CHODL: variants seen among roughly 807,000 people sequenced by gnomAD.
CHODL encodes transmembrane protein MT75.
Under a neutral mutation model 34.5 loss-of-function variants are expected in CHODL, and 29 were observed. The ratio of observed to expected loss-of-function variants is 0.84; its 90% confidence interval spans 0.63 to 1.15. The LOEUF is 1.15. CHODL is among the 50% of genes most tolerant of loss of function. The pLI is 0.00. For synonymous variants in CHODL, 125 were observed against 116.1 expected, an observed-to-expected ratio of 1.08 and a Z score of -0.49; for missense variants, 332 against 332.5, an observed-to-expected ratio of 1.00 and a Z score of 0.01.
At chr21:18,053,288 A>G (rs2064539284) in intron 2 of CHODL, among the ~76,000 whole-genome samples, 1 of 151,982 alleles carries the variant, frequency 6.6e-6, no homozygotes, top group Admixed American at 6.6e-5. Context: ...CCAAAGAACC[A>G]TAGGATCTTT....
Position 18,130,216 on chromosome 21 carries a change from C to T in CHODL, c.-45+102245C>T, listed in dbSNP as rs954493668. 5.9e-5 allele frequency among the ~76,000 whole-genome samples: 9 copies of T among 152,204 alleles called. No individual in the cohort carries two copies. The East Asian group carries it at 7.7e-4, about 13-fold the overall frequency. ...TCCTTACTTGTAAAGTGGTAATAAT[C>T]GTATCTTTGTTATGGGGTTATTTTG... On this transcript the variant is annotated intron_variant, in intron 2 of 6. Coordinates refer to the CHODL transcript ENST00000400127.
At chr21:18,150,462 A>G (rs1274028631) in intron 2 of CHODL, among the ~76,000 whole-genome samples, 1 of 152,154 alleles carries the variant, frequency 6.6e-6, no homozygotes, top group Non-Finnish European at 1.5e-5. Context: ...TTTGCAGTAC[A>G]GTTCCGGAGG....
At chr21:17,983,952 C>T (rs1244309193) in intron 1 of CHODL, among the ~76,000 whole-genome samples, 2 of 151,874 alleles carry the variant, frequency 1.3e-5, no homozygotes, top group Admixed American at 6.6e-5. Flanking sequence ...GGAGTTTTAC[C>T]GTCTTAACAA....
chr21:18,028,278 CCT>C (rs1253767906), intron 2 of CHODL, among the ~76,000 whole-genome samples: 231 of 4,068 alleles, frequency 0.057, 11 homozygotes, highest in African/African-American at 0.18. Context: ...TTCCTTTTCC[CCT>C]TCCTTCCTTC....
In CHODL at chr21:18,007,089, TAGGAG is replaced by T. The variant is rs151070308; in HGVS notation, c.-144-20779_-144-20775del. 7.7e-3 allele frequency among the ~76,000 whole-genome samples: 1,170 copies of T among 152,246 alleles called. 18 individuals carry two copies. The highest frequency in any genetic ancestry group is 0.027 in the African/African-American group (1,111 of 41,526). On this transcript the variant is annotated intron_variant, in intron 1 of 6. Coordinates refer to the CHODL transcript ENST00000400127. ...CAGATTTCTATAGCAAATGTGTACT[TAGGAG>T]AGGTTCAAAGAATACGTGTGGAATT...
intron 1 of CHODL, chr21:18,246,065 C>A: frequency 4.9e-6 from 4 of 812,552 alleles, no homozygotes; most frequent in Non-Finnish European, 8.2e-6. Context: ...TTTTTTGACT[C>A]TCACTGTCCT....
chr21:18,114,339 A>G (rs2065386692), intron 2 of CHODL, among the ~76,000 whole-genome samples: 2 of 152,242 alleles, frequency 1.3e-5, no homozygotes, highest in African/African-American at 4.8e-5. Context: ...TGGATACCCC[A>G]TTCTCCATAA....
intron 2 of CHODL, among the ~76,000 whole-genome samples, chr21:18,035,736 T>C (rs947334405): frequency 6.6e-6 from 1 of 152,068 alleles, no homozygotes; most frequent in Non-Finnish European, 1.5e-5. Context: ...ATTAATTTTG[T>C]TCAGTGCATT....
intron 1 of CHODL, among the ~76,000 whole-genome samples, chr21:18,010,495 A>G (rs1262645392): frequency 6.6e-6 from 1 of 152,154 alleles, no homozygotes; most frequent in Non-Finnish European, 1.5e-5. Context: ...CCATGTTTAA[A>G]CACTTCATAA....
chr21:18,034,077 C>T (rs1458166613), intron 2 of CHODL, among the ~76,000 whole-genome samples: 2 of 151,950 alleles, frequency 1.3e-5, no homozygotes, highest in African/African-American at 2.4e-5. Context: ...ACTTGGCAAG[C>T]TTGCCCACTG....
At chr21:18,204,299 C>A (rs1399396289) in intron 2 of CHODL, among the ~76,000 whole-genome samples, 1 of 152,016 alleles carries the variant, frequency 6.6e-6, no homozygotes, top group Non-Finnish European at 1.5e-5. Flanking sequence ...AACCCTGCAT[C>A]TTCTTTTTTG....
chr21:18,263,715 A>C (rs182106047), intron 5 of CHODL, among the ~76,000 whole-genome samples: 61 of 152,322 alleles, frequency 4.0e-4, no homozygotes, highest in African/African-American at 1.3e-3. Context: ...GGTTTAAATA[A>C]GAACTGATCA....
chr21:18,152,227 C>T (rs1332772052), intron 2 of CHODL, among the ~76,000 whole-genome samples: 1 of 152,158 alleles, frequency 6.6e-6, no homozygotes. Context: ...GGTTATGCAT[C>T]TGAAGGGTGA....
chr21:18,248,008 T>C (rs571747631), intron 1 of CHODL, among the ~76,000 whole-genome samples: 3 of 147,466 alleles, frequency 2.0e-5, no homozygotes, highest in South Asian at 4.1e-4. Flanking sequence ...GTAATGTGTT[T>C]CTTTTTTTTT....
intron 1 of CHODL, among the ~76,000 whole-genome samples, chr21:17,965,314 T>C (rs1024338958): frequency 5.3e-5 from 8 of 152,180 alleles, no homozygotes; most frequent in African/African-American, 1.9e-4. Context: ...TAGTTATAAA[T>C]TCAAAATTCA....
intron 2 of CHODL, among the ~76,000 whole-genome samples, chr21:18,234,105 C>CAATAAAATATATATATAATATAAGTG (rs1164362711): frequency 1.3e-5 from 2 of 152,062 alleles, no homozygotes; most frequent in Non-Finnish European, 2.9e-5. Flanking sequence ...ACAAATCATA[C>CAATAAAATATATATATAATATAAGTG]CTTATTATTT....
intron 2 of CHODL, among the ~76,000 whole-genome samples, chr21:18,148,771 ATCTT>A (rs1190493844): frequency 1.3e-5 from 2 of 150,046 alleles, no homozygotes; most frequent in Non-Finnish European, 3.0e-5. Flanking sequence ...GATATAAGAA[ATCTT>A]TCTATTAACC....
intron 1 of CHODL, among the ~76,000 whole-genome samples, chr21:17,996,583 A>G (rs931207819): frequency 1.3e-5 from 2 of 152,236 alleles, no homozygotes; most frequent in Non-Finnish European, 2.9e-5. Context: ...GGGGAATCAA[A>G]TGGACTCTCC....
intron 2 of CHODL, among the ~76,000 whole-genome samples, chr21:18,042,370 C>T (rs1322524388): frequency 2.0e-5 from 3 of 151,824 alleles, no homozygotes; most frequent in Non-Finnish European, 4.4e-5. Context: ...TATCCTCATA[C>T]CTCAGAGCTA....
Sources: allele counts gnomAD v4.1 joint callset (sites outside exome capture counted in the v4.1 genomes callset), GRCh38; gene constraint gnomAD v4.1.1; transcripts MANE v1.5; gene names NCBI Gene and HGNC (gene_info 2026-07-23, HGNC 2026-07-21).